The following KDM4C variants were observed in gnomAD, a reference collection of about 807,000 sequenced individuals.
KDM4C encodes lysine demethylase 4C.
KDM4C carries 81 observed loss-of-function variants against 129.3 expected under a neutral mutation model. That is an observed-to-expected ratio of 0.63 (90% CI 0.52 to 0.75). KDM4C has a LOEUF of 0.75. KDM4C is among the 30% of genes least tolerant of loss of function. The pLI is 0.00. For synonymous variants in KDM4C, 573 were observed against 456.1 expected, an observed-to-expected ratio of 1.26 and a Z score of -3.26; for missense variants, 1,457 against 1,304.0, an observed-to-expected ratio of 1.12 and a Z score of -1.81.
intron 1 of KDM4C, among the ~76,000 whole-genome samples, chr9:6,738,058 C>T (rs887715980): frequency 1.7e-4 from 25 of 151,480 alleles, no homozygotes; most frequent in African/African-American, 5.6e-4. Flanking sequence ...CACTTGAACC[C>T]GGGAGGCAGA....
chr9:7,014,387 A>G (rs897828830), intron 14 of KDM4C: 22 of 164,400 alleles, frequency 1.3e-4, no homozygotes, highest in Non-Finnish European at 2.8e-4. Context: ...AGAGAAATGA[A>G]TGTTCCTTTG....
intron 12 of KDM4C, among the ~76,000 whole-genome samples, chr9:7,001,346 A>G (rs1464324572): frequency 5.9e-5 from 9 of 152,190 alleles, no homozygotes; most frequent in Admixed American, 5.2e-4. Context: ...AAATATTTCC[A>G]TAGTTGTTGA....
intron 8 of KDM4C, among the ~76,000 whole-genome samples, chr9:6,950,206 G>A (rs1816461226): frequency 6.6e-6 from 1 of 151,880 alleles, no homozygotes; most frequent in African/African-American, 2.4e-5. Flanking sequence ...TATTATAGAA[G>A]GTTGTCTTGA....
In KDM4C at chr9:6,820,941, A is replaced by G. The variant is rs924711323; in HGVS notation, c.435+6196A>G. Among the ~76,000 whole-genome samples, 56 of 151,090 alleles carry G rather than the reference A, an allele frequency of 3.7e-4. 1 individual carries two copies. Among genetic ancestry groups the G allele is most frequent in the African/African-American group, 1.2e-3 (50 of 41,040 alleles). On this transcript the variant is annotated intron_variant, in intron 4 of 21. Coordinates refer to ENST00000381309, the MANE Select transcript of KDM4C (RefSeq NM_015061.6). ...TGTGTCCAAGTGATCTCATTGTTCA[A>G]TTCCCACCTATGAGTAAGAACATGC...
chr9:6,840,797 A>T (rs1836781393), intron 4 of KDM4C, among the ~76,000 whole-genome samples: 1 of 152,344 alleles, frequency 6.6e-6, no homozygotes, highest in South Asian at 2.1e-4. Context: ...TTTTCCTAGC[A>T]TGGGGGTTAT....
At chr9:7,126,475 G>T (rs1053711473) in intron 18 of KDM4C, among the ~76,000 whole-genome samples, 1 of 152,166 alleles carries the variant, frequency 6.6e-6, no homozygotes, top group African/African-American at 2.4e-5. Context: ...AGAAGCCAAG[G>T]TTTTCACTGA....
chr9:7,091,045 T>G, intron 17 of KDM4C, among the ~76,000 whole-genome samples: 1 of 152,216 alleles, frequency 6.6e-6, no homozygotes, highest in East Asian at 1.9e-4. Flanking sequence ...TTATAAAGCC[T>G]AAAATTTGAG....
intron 1 of KDM4C, among the ~76,000 whole-genome samples, chr9:6,771,080 CTTTTTTTTTTTTTT>C (rs35945405): frequency 3.5e-4 from 20 of 56,968 alleles, no homozygotes; most frequent in African/African-American, 1.3e-3. Flanking sequence ...GACTGTGAAT[CTTTTTTTTTTTTTT>C]TTTTTTTTTT....
intron 8 of KDM4C, among the ~76,000 whole-genome samples, chr9:6,959,134 TGATGTA>T (rs1323814439): frequency 6.6e-6 from 1 of 152,190 alleles, no homozygotes; most frequent in Admixed American, 6.5e-5. Context: ...TGACTTAGCT[TGATGTA>T]GATTTACCCC....
At chr9:6,770,570 C>G (rs1275646026) in intron 1 of KDM4C, among the ~76,000 whole-genome samples, 2 of 150,970 alleles carry the variant, frequency 1.3e-5, no homozygotes, top group African/African-American at 4.9e-5. Context: ...TCATTTCCCT[C>G]AAGTTTGTTT....
chr9:6,822,887 T>C (rs1833268659), intron 4 of KDM4C, among the ~76,000 whole-genome samples: 1 of 152,212 alleles, frequency 6.6e-6, no homozygotes, highest in Non-Finnish European at 1.5e-5. Flanking sequence ...CAAAGCTACA[T>C]CTCTTTTTTT....
At chr9:7,052,533 A>C (rs1391556710) in intron 17 of KDM4C, among the ~76,000 whole-genome samples, 1 of 152,196 alleles carries the variant, frequency 6.6e-6, no homozygotes, top group Non-Finnish European at 1.5e-5. Flanking sequence ...TAATTCACAC[A>C]CATGTCTGCA....
At chr9:7,034,218 C>CA (rs1187919820) in intron 15 of KDM4C, among the ~76,000 whole-genome samples, 1 of 152,160 alleles carries the variant, frequency 6.6e-6, no homozygotes, top group East Asian at 1.9e-4. Context: ...TGGGAACATG[C>CA]AATACCTCCT....
At chr9:7,032,638 C>T (rs115675245) in intron 15 of KDM4C, among the ~76,000 whole-genome samples, 74 of 152,216 alleles carry the variant, frequency 4.9e-4, no homozygotes, top group African/African-American at 1.4e-3. Context: ...ACTAATGAAC[C>T]GGAGGGTGTT....
intron 8 of KDM4C, among the ~76,000 whole-genome samples, chr9:6,931,504 A>ATT (rs139124206): frequency 1.6e-3 from 245 of 148,590 alleles, no homozygotes; most frequent in African/African-American, 5.3e-3. Context: ...ATATATATAT[A>ATT]TATTTTTTTT....
intron 8 of KDM4C, among the ~76,000 whole-genome samples, chr9:6,905,401 C>T (rs7019977): frequency 0.47 from 70,724 of 151,950 alleles, 16,764 homozygotes; most frequent in Middle Eastern, 0.61. Flanking sequence ...GTCTAGATTG[C>T]CTTACAACTA....
chr9:6,886,368 A>C (rs1304712516), intron 6 of KDM4C, among the ~76,000 whole-genome samples: 2 of 150,372 alleles, frequency 1.3e-5, no homozygotes, highest in Non-Finnish European at 3.0e-5. Context: ...GCTGGAGTAC[A>C]GTGGTGCAAT....
intron 17 of KDM4C, among the ~76,000 whole-genome samples, chr9:7,100,380 C>A (rs940919834): frequency 2.6e-5 from 4 of 152,050 alleles, no homozygotes; most frequent in African/African-American, 9.7e-5. Context: ...CACTCTGTTA[C>A]CCAGGCTGGA....
intron 8 of KDM4C, among the ~76,000 whole-genome samples, chr9:6,894,674 A>G (rs560403951): frequency 1.3e-5 from 2 of 152,294 alleles, no homozygotes; most frequent in East Asian, 1.9e-4. Context: ...TACCATGTAC[A>G]TTGGAGTTGC....
Sources: gnomAD v4.1 joint callset for allele counts (sites outside exome capture counted in the v4.1 genomes callset) on GRCh38, gnomAD v4.1.1 for gene constraint, MANE v1.5 for transcripts, NCBI Gene and HGNC (gene_info 2026-07-23, HGNC 2026-07-21) for gene names.